The following TOM1L1 variants were observed in gnomAD, a reference collection of about 807,000 sequenced individuals.
The protein encoded by TOM1L1 is target of myb1 like 1 membrane trafficking protein.
TOM1L1 carries 64 observed loss-of-function variants against 63.4 expected under a neutral mutation model. The ratio of observed to expected loss-of-function variants is 1.01; its 90% CI spans 0.83 to 1.24. TOM1L1 has a LOEUF of 1.24. TOM1L1 is among the 50% of genes most tolerant of loss of function. The pLI is 0.00. For synonymous variants in TOM1L1, 166 were observed against 194.4 expected, an observed-to-expected ratio of 0.85 and a Z score of 1.22; for missense variants, 536 against 567.0, an observed-to-expected ratio of 0.95 and a Z score of 0.55.
rs141417404 is a variant in TOM1L1 at position 54,960,633 on chromosome 17, G to A, written c.*1+6G>A. On this transcript the variant is annotated splice_donor_region_variant and intron_variant, in intron 15 of 15. Transcript: ENST00000575882. ...TCAAAATGATGGTGACTGAGGTAAA[G>A]ACTTCAACTTATACAACTTAATTCC... 31 of 1,597,226 alleles carry A rather than the reference G, an allele frequency of 1.9e-5. No homozygotes were observed. Among genetic ancestry groups the A allele is most frequent in the Non-Finnish European group, 2.6e-5 (30 of 1,165,516 alleles).
At chr17:54,951,783 T>C (rs1046275380) in intron 14 of TOM1L1, 2 of 152,216 alleles carry the variant, frequency 1.3e-5, no homozygotes, top group African/African-American at 4.8e-5. Context: ...GGTTGAGTAG[T>C]AGCTATCTCC....
At chr17:54,949,429 A>G in intron 12 of TOM1L1, 89 bp from the exon 13 acceptor site, 1 of 954,782 alleles carries the variant, frequency 1.0e-6, no homozygotes, top group Admixed American at 2.0e-5. Context: ...AGTTCTTGGA[A>G]CAATGTACTT....
At chr17:54,904,978 A>G (rs1460865827) in intron 2 of TOM1L1, among the ~76,000 whole-genome samples, 1 of 152,232 alleles carries the variant, frequency 6.6e-6, no homozygotes, top group Non-Finnish European at 1.5e-5. Context: ...CATTGATAAT[A>G]CAAAAAGAGA....
At position 54,936,648 on chromosome 17, in the gene TOM1L1, G is replaced by A. The variant is rs202052495; in HGVS notation, c.855-1G>A. 1.2e-4 allele frequency: 197 copies of A among 1,600,518 alleles called. No individual in the cohort carries two copies. Among genetic ancestry groups the A allele is most frequent in the Non-Finnish European group, 1.7e-4 (196 of 1,176,080 alleles). ...CACATGCATTTTGATCATTTAAACAGGTTTACTAGAAACCAACAAAGGATT... is the reference window on the plus strand; with the variant it reads ...CACATGCATTTTGATCATTTAAACAAGTTTACTAGAAACCAACAAAGGATT... On this transcript the variant is annotated splice_acceptor_variant, in intron 8 of 15. Transcript: ENST00000575882. LOFTEE classifies it high-confidence loss of function.
Position 54,961,638 on chromosome 17 carries a change from G to A in TOM1L1, c.*405G>A, listed in dbSNP as rs2077127476. On this transcript the variant is annotated 3_prime_UTR_variant, in exon 16 of 16. Transcript: ENST00000575882. ...AAGCATAAAATGTGAGAAACTGAAT[G>A]TATTATTCAGGAAGAATACTGAGTG... The A allele has an allele frequency of 9.1e-7, 1 of 1,101,564 alleles. No individual in the cohort carries two copies. Among genetic ancestry groups the A allele is most frequent in the African/African-American group, 1.7e-5 (1 of 60,156 alleles). 68.2% of individuals were successfully genotyped at this position (1,101,564 alleles called of 1,614,324 possible).
At chr17:54,949,398 A>T in intron 12 of TOM1L1, 120 bp from the exon 13 acceptor site, 1 of 684,064 alleles carries the variant, frequency 1.5e-6, no homozygotes, top group Non-Finnish European at 2.4e-6. Context: ...ATTAAAAACA[A>T]CTTATTCTTG....
chr17:54,927,712 A>G (rs1398728904), intron 7 of TOM1L1, among the ~76,000 whole-genome samples: 1 of 152,018 alleles, frequency 6.6e-6, no homozygotes, highest in Admixed American at 6.6e-5. Context: ...TGCTATGGGG[A>G]ACTCTGACCT....
intron 7 of TOM1L1, among the ~76,000 whole-genome samples, chr17:54,929,015 GTCTT>G (rs1336026306): frequency 2.6e-5 from 4 of 152,156 alleles, no homozygotes; most frequent in Non-Finnish European, 4.4e-5. Context: ...TTTTCAGCAG[GTCTT>G]TCTTTCTTGA....
intron 1 of TOM1L1, among the ~76,000 whole-genome samples, chr17:54,901,926 C>A (rs2048333408): frequency 6.6e-6 from 1 of 151,860 alleles, no homozygotes; most frequent in Non-Finnish European, 1.5e-5. Flanking sequence ...TAGAATGAAC[C>A]CCAAGCAGAA....
rs529747126 is a variant in TOM1L1, at chr17:54,918,348, A to T, written c.720+2486A>T. Among the ~76,000 whole-genome samples the T allele has an allele frequency of 4.6e-5, 7 of 152,132 alleles. No individual in the cohort carries two copies. In the South Asian group the frequency reaches 1.5e-3, roughly 32 times the overall value. On this transcript the variant is annotated intron_variant, in intron 7 of 15. Transcript: ENST00000575882. ...TATCCATGCAAACCTATACCCAGAG[A>T]CCCCTGGGAACTCAGATATTCCTCT...
chr17:54,949,111 C>G (rs2049168116), intron 12 of TOM1L1, among the ~76,000 whole-genome samples: 1 of 152,000 alleles, frequency 6.6e-6, no homozygotes, highest in South Asian at 2.1e-4. Context: ...ATGATCATAA[C>G]TCACTGCAGC....
chr17:54,916,770 T>C (rs1040235827), intron 7 of TOM1L1: 2 of 152,236 alleles, frequency 1.3e-5, no homozygotes, highest in African/African-American at 2.4e-5. Flanking sequence ...CAATGTTTCT[T>C]AGATATCACT....
At chr17:54,914,411 AT>A (rs1206617573) in intron 5 of TOM1L1, among the ~76,000 whole-genome samples, 1 of 151,454 alleles carries the variant, frequency 6.6e-6, no homozygotes, top group African/African-American at 2.4e-5. Flanking sequence ...ATTGTAAATG[AT>A]AATCCTAATA....
At chr17:54,906,871 GCA>G (rs1182165482) in intron 3 of TOM1L1, 2 of 936,968 alleles carry the variant, frequency 2.1e-6, no homozygotes. Flanking sequence ...GATTTATTCT[GCA>G]CGCCTTTGTT....
intron 11 of TOM1L1, among the ~76,000 whole-genome samples, chr17:54,943,530 C>T (rs1394026061): frequency 7.0e-6 from 1 of 141,910 alleles, no homozygotes; most frequent in Admixed American, 7.3e-5. Flanking sequence ...TGATTCTTTT[C>T]CTGTTATTTT....
chr17:54,952,278 A>G (rs1263995977), intron 14 of TOM1L1: 1 of 152,106 alleles, frequency 6.6e-6, no homozygotes, highest in African/African-American at 2.4e-5. Flanking sequence ...ATTAGGCCTG[A>G]TGTGGTGGCT....
rs139012662 is a variant in TOM1L1 at position 54,924,399 on chromosome 17, C to T, written c.721-5674C>T. Among the ~76,000 whole-genome samples, 332 of 151,986 alleles carry T rather than the reference C, an allele frequency of 2.2e-3. 1 individual carries two copies. Among genetic ancestry groups the T allele is most frequent in the Non-Finnish European group, 3.8e-3 (257 of 67,984 alleles). On this transcript the variant is annotated intron_variant, in intron 7 of 15. Coordinates refer to ENST00000575882, the MANE Select transcript of TOM1L1 (RefSeq NM_005486.3). Reference sequence around the variant, plus strand: ...TGTTCAAGTGATTCTCCTGCCTCAGCCTCCCGAGTAGCTGGGACTACAGGT... The same window carrying T: ...TGTTCAAGTGATTCTCCTGCCTCAGTCTCCCGAGTAGCTGGGACTACAGGT...
intron 7 of TOM1L1, among the ~76,000 whole-genome samples, chr17:54,920,200 C>CCT (rs1223192811): frequency 6.6e-6 from 1 of 152,032 alleles, no homozygotes; most frequent in Non-Finnish European, 1.5e-5. Context: ...TCAGCATAAG[C>CCT]CTAGGGAGTC....
chr17:54,928,688 C>T (rs1466967986), intron 7 of TOM1L1, among the ~76,000 whole-genome samples: 1 of 152,162 alleles, frequency 6.6e-6, no homozygotes, highest in Non-Finnish European at 1.5e-5. Flanking sequence ...GCTTTAAGAA[C>T]AACACTGTTG....
Sources: allele counts gnomAD v4.1 joint callset (sites outside exome capture counted in the v4.1 genomes callset), GRCh38; gene constraint gnomAD v4.1.1; transcripts MANE v1.5; gene names NCBI Gene and HGNC (gene_info 2026-07-23, HGNC 2026-07-21).